The following CUL3 variants were observed in gnomAD, a reference collection of about 807,000 sequenced individuals.
The protein encoded by CUL3 is cullin-3.
A neutral mutation model predicts 89.1 loss-of-function variants in CUL3; 19 were observed. That is an observed-to-expected ratio of 0.21 (90% confidence interval 0.15 to 0.31). CUL3 has a LOEUF of 0.31. Ranked by LOEUF, CUL3 falls within the 10% of genes least tolerant of loss-of-function variation. The pLI is 1.00. For missense variants in CUL3, 469 were observed against 942.3 expected (o/e 0.50, Z 6.58); for synonymous variants, 351 against 308.4 (o/e 1.14, Z -1.45).
chr2:224,507,060 T>C (rs780507411), intron 6 of CUL3, 57 bp from the exon 7 acceptor site: 41 of 1,535,720 alleles, frequency 2.7e-5, no homozygotes, highest in Non-Finnish European at 3.5e-5. Context: ...AAAACACGAA[T>C]CTCTGTTCAC....
intron 1 of CUL3, among the ~76,000 whole-genome samples, chr2:224,562,131 C>G (rs575576854): frequency 6.6e-6 from 1 of 152,208 alleles, no homozygotes; most frequent in East Asian, 1.9e-4. Context: ...AACTATAAAA[C>G]CAAGAGGCTT....
At chr2:224,498,322 C>A (rs1692246071) in intron 11 of CUL3, among the ~76,000 whole-genome samples, 1 of 152,064 alleles carries the variant, frequency 6.6e-6, no homozygotes, top group South Asian at 2.1e-4. Context: ...AGGATAAACT[C>A]TCCCTTTGTT....
rs1318777167 is a variant in CUL3, at chr2:224,585,202, C to T, written c.-193G>A. On this transcript the variant is annotated 5_prime_UTR_variant, in exon 1 of 16. Coordinates refer to ENST00000264414, the MANE Select transcript of CUL3 (RefSeq NM_003590.5). The stretch of plus-strand genomic sequence containing the variant: ...GGCGGCGGCGGCGGCGGCGGCGGCT[C>T]GGACTCTGGCGACTCCGATGCGGCT... 2 of 338,210 alleles carry T rather than the reference C, an allele frequency of 5.9e-6. No individual in the cohort carries two copies. Among genetic ancestry groups the T allele is most frequent in the East Asian group, 8.8e-5 (2 of 22,738 alleles). The allele number at this position is 338,210 out of a possible 1,614,324, so 21.0% of individuals were successfully genotyped here. A position where few individuals can be genotyped will look rare whatever the true frequency, so the allele number is the denominator to read the frequency against.
chr2:224,584,580 G>C (rs1050501049), intron 1 of CUL3, among the ~76,000 whole-genome samples: 1 of 151,970 alleles, frequency 6.6e-6, no homozygotes, highest in Non-Finnish European at 1.5e-5. Context: ...CCCCACACAG[G>C]GAGGACTCCG....
intron 2 of CUL3, among the ~76,000 whole-genome samples, chr2:224,555,070 G>C (rs911491474): frequency 1.3e-5 from 2 of 152,068 alleles, no homozygotes; most frequent in Non-Finnish European, 2.9e-5. Flanking sequence ...TTGAGTTCCT[G>C]CCCAAGCTCT....
intron 1 of CUL3, among the ~76,000 whole-genome samples, chr2:224,560,821 T>G (rs1694878551): frequency 6.6e-6 from 1 of 152,142 alleles, no homozygotes; most frequent in Non-Finnish European, 1.5e-5. Context: ...TCCCCTGGAG[T>G]TGAAGTCAAA....
intron 2 of CUL3, among the ~76,000 whole-genome samples, chr2:224,555,811 G>C (rs1229132428): frequency 6.6e-6 from 1 of 152,064 alleles, no homozygotes; most frequent in Non-Finnish European, 1.5e-5. Context: ...TACATCCCAA[G>C]GCAACCTCTC....
chr2:224,577,017 G>T (rs1695316762), intron 1 of CUL3, among the ~76,000 whole-genome samples: 1 of 152,152 alleles, frequency 6.6e-6, no homozygotes, highest in African/African-American at 2.4e-5. Flanking sequence ...TTAAGTTCTA[G>T]AAGTTGTACA....
intron 10 of CUL3, 140 bp from the exon 11 acceptor site, chr2:224,500,627 C>CTTTTTTT (rs11350781): frequency 1.0e-5 from 4 of 396,356 alleles, no homozygotes; most frequent in South Asian, 9.6e-5. Flanking sequence ...ATTTTCTTTT[C>CTTTTTTT]TTTTTTTTTT....
chr2:224,577,336 A>G (rs1695324892), intron 1 of CUL3, among the ~76,000 whole-genome samples: 1 of 152,182 alleles, frequency 6.6e-6, no homozygotes, highest in South Asian at 2.1e-4. Context: ...TAGGAGGATG[A>G]GGCAGACGGA....
intron 13 of CUL3, among the ~76,000 whole-genome samples, chr2:224,484,996 G>A (rs541567282): frequency 1.3e-5 from 2 of 152,260 alleles, no homozygotes; most frequent in East Asian, 1.9e-4. Context: ...GCAGAAGCAG[G>A]GTGGGGCGTC....
At chr2:224,563,639 T>C (rs1388979024) in intron 1 of CUL3, among the ~76,000 whole-genome samples, 1 of 152,238 alleles carries the variant, frequency 6.6e-6, no homozygotes, top group Admixed American at 6.5e-5. Flanking sequence ...TCATAAACTT[T>C]AAATTGCATG....
At chr2:224,534,086 T>C (rs13020511) in intron 3 of CUL3, among the ~76,000 whole-genome samples, 28,072 of 152,158 alleles carry the variant, frequency 0.18, 2,939 homozygotes, top group South Asian at 0.27. Flanking sequence ...TTATATCCAA[T>C]ACACAAACAT....
rs2106180071 is a variant in CUL3 at position 224,495,920 on chromosome 2, G to A, written c.1754C>T (p.Ser585Phe). 1.9e-6 allele frequency: 3 copies of A among 1,613,936 alleles called. No individual in the cohort carries two copies. The highest frequency in any genetic ancestry group is 2.5e-6 in the Non-Finnish European group (3 of 1,179,902). ...VGVGGAQVTGSNTRKHILQVS... is the reference protein window; with the variant it reads ...VGVGGAQVTGFNTRKHILQVS... ...TTGCAATATGTGCTTCCGTGTATTAGAGCCAGTTACTTGTGCACCTCCAAC... is the reference window on the plus strand; with the variant it reads ...TTGCAATATGTGCTTCCGTGTATTAAAGCCAGTTACTTGTGCACCTCCAAC... The change falls in exon 13 of 16, where the codon TCT (serine) becomes TTT (phenylalanine). Residue 585 changes from serine to phenylalanine, a missense_variant. Around this residue, in one of 4 missense-constraint regions of CUL3, gnomAD observed 370 missense variants for 733.2 expected, o/e 0.50. Coordinates refer to ENST00000264414, the MANE Select transcript of CUL3 (RefSeq NM_003590.5).
chr2:224,573,677 T>G (rs1024720491), intron 1 of CUL3, among the ~76,000 whole-genome samples: 1 of 152,186 alleles, frequency 6.6e-6, no homozygotes, highest in African/African-American at 2.4e-5. Context: ...TTAGAATTAA[T>G]TTTCTGTATA....
At chr2:224,549,402 A>C (rs534193690) in intron 2 of CUL3, among the ~76,000 whole-genome samples, 81 of 152,308 alleles carry the variant, frequency 5.3e-4, no homozygotes, top group African/African-American at 1.8e-3. Flanking sequence ...AGAGACTATT[A>C]TCTTCCTAAG....
At chr2:224,505,674 G>A (rs1229276434) in intron 8 of CUL3, 1 of 188,326 alleles carries the variant, frequency 5.3e-6, no homozygotes, top group East Asian at 1.1e-4. Context: ...GGCCTCAAGA[G>A]AGCCTCCTGT....
Position 224,500,456 on chromosome 2 carries a change from C to G in CUL3, c.1517G>C (p.Arg506Pro). ...GGGCCAATATCCTGTCGTGAGCACC[C>G]GGACTGTAAGATCAACACCACCTAA... ...VSLGGVDLTVRVLTTGYWPTQ... is the reference protein window; with the variant it reads ...VSLGGVDLTVPVLTTGYWPTQ... Residue 506 changes from arginine to proline, a missense_variant, in exon 11 of 16, where the codon CGG becomes CCG. By Grantham distance (103) the Arg-to-Pro change is moderately radical. Around this residue, in one of 4 missense-constraint regions of CUL3, gnomAD observed 370 missense variants for 733.2 expected, o/e 0.50. Coordinates refer to ENST00000264414, the MANE Select transcript of CUL3 (RefSeq NM_003590.5). The G allele has an allele frequency of 6.2e-7, 1 of 1,613,794 alleles. No individual in the cohort carries two copies. The highest frequency in any genetic ancestry group is 8.5e-7 in the Non-Finnish European group (1 of 1,179,888).
intron 3 of CUL3, among the ~76,000 whole-genome samples, chr2:224,515,251 TTAAG>T (rs1692996720): frequency 6.6e-6 from 1 of 152,230 alleles, no homozygotes; most frequent in Non-Finnish European, 1.5e-5. Context: ...TAGAGCAGCA[TTAAG>T]TATTACATAA....
Sources: allele counts gnomAD v4.1 joint callset (sites outside exome capture counted in the v4.1 genomes callset), GRCh38; gene constraint gnomAD v4.1.1; regional missense constraint gnomAD v4.1.1; transcripts MANE v1.5; gene names NCBI Gene and HGNC (gene_info 2026-07-23, HGNC 2026-07-21).